PUM1: variants seen among roughly 807,000 people sequenced by gnomAD.
The protein encoded by PUM1 is pumilio RNA binding family member 1.
PUM1 carries 13 observed loss-of-function variants against 131.8 expected under a neutral mutation model. That is an observed-to-expected ratio of 0.10 (90% CI 0.06 to 0.16). The LOEUF (loss-of-function observed/expected upper bound fraction) is 0.16, where lower values mean the gene tolerates loss of function less well. PUM1 is among the 10% of genes least tolerant of loss of function. The pLI, the probability that PUM1 is intolerant of heterozygous loss-of-function variation, is 1.00. For synonymous variants in PUM1, 509 were observed against 556.5 expected, an observed-to-expected ratio of 0.91 and a Z score of 1.20; for missense variants, 961 against 1,512.4, an observed-to-expected ratio of 0.64 and a Z score of 6.05.
chr1:31,004,193 A>G (rs1245327533), intron 5 of PUM1, among the ~76,000 whole-genome samples: 1 of 152,224 alleles, frequency 6.6e-6, no homozygotes, highest in African/African-American at 2.4e-5. Context: ...ATGACTGTTT[A>G]AAGAGAGAAA....
rs1179946763 is a variant in PUM1, at chr1:31,065,693, C to T, written c.-89G>A. On this transcript the variant is annotated 5_prime_UTR_variant, in exon 1 of 22. An upstream open reading frame in the 5' UTR loses its in-frame stop. Coordinates refer to ENST00000426105, the MANE Select transcript of PUM1 (RefSeq NM_001020658.2). ...GGCGCTCTCGCTCCCCCTTACCTTT[C>T]ACTCCGACAACATGGCGGCCCACTG... 3 of 1,549,504 alleles carry T rather than the reference C, an allele frequency of 1.9e-6. No individual in the cohort carries two copies. The highest frequency in any genetic ancestry group is 4.9e-5 in the East Asian group (2 of 40,808).
chr1:30,982,669 G>A (rs551141171), intron 7 of PUM1, among the ~76,000 whole-genome samples: 1 of 152,296 alleles, frequency 6.6e-6, no homozygotes, highest in African/African-American at 2.4e-5. Flanking sequence ...AGGAGATAAT[G>A]TCATTCTAGC....
rs1642410788 is a variant in PUM1 at position 31,006,671 on chromosome 1, T to C, written c.541+323A>G. Among the ~76,000 whole-genome samples, 6 of 152,322 alleles carry C rather than the reference T, an allele frequency of 3.9e-5. No individual in the cohort carries two copies. In the South Asian group the frequency reaches 1.2e-3, roughly 32 times the overall value. On this transcript the variant is annotated intron_variant, in intron 4 of 21. Transcript: ENST00000426105. Reference sequence around the variant, plus strand: ...CAAGGGGAGAAAAAGAAACATGAACTTCAAATGGCAGGTGTGGATTTTCTA... The same window carrying C: ...CAAGGGGAGAAAAAGAAACATGAACCTCAAATGGCAGGTGTGGATTTTCTA...
intron 14 of PUM1, among the ~76,000 whole-genome samples, chr1:30,956,385 G>T (rs191961358): frequency 1.3e-5 from 2 of 151,910 alleles, no homozygotes; most frequent in East Asian, 1.9e-4. Flanking sequence ...CACCTCAGCC[G>T]TCCAAGTAGC....
intron 2 of PUM1, among the ~76,000 whole-genome samples, chr1:31,032,260 A>C (rs1214216814): frequency 6.6e-6 from 1 of 152,230 alleles, no homozygotes; most frequent in African/African-American, 2.4e-5. Flanking sequence ...AATTCTTCCT[A>C]GGAAACAAAA....
chr1:31,029,467 T>C (rs1643339380), intron 2 of PUM1, among the ~76,000 whole-genome samples: 1 of 152,246 alleles, frequency 6.6e-6, no homozygotes, highest in Non-Finnish European at 1.5e-5. Context: ...TTGTTAAATG[T>C]AATCCTACCT....
intron 16 of PUM1, 135 bp from the exon 17 acceptor site, chr1:30,950,396 T>A: frequency 1.2e-6 from 1 of 862,278 alleles, no homozygotes; most frequent in Non-Finnish European, 1.7e-6. Flanking sequence ...AACTAAACCT[T>A]TTATTTAAAG....
At chr1:31,005,106 T>C (rs565355883) in intron 5 of PUM1, among the ~76,000 whole-genome samples, 46 of 152,302 alleles carry the variant, frequency 3.0e-4, no homozygotes, top group African/African-American at 1.0e-3. Context: ...CAAATGGAAA[T>C]ACATCTTAAC....
At position 30,954,022 on chromosome 1, in the gene PUM1, G is replaced by A. The variant is rs1013570725; in HGVS notation, c.2324-41C>T. ...CAGGATAACTTAAGACCACTCTTCA[G>A]CAACTTCATTCAAGAGAGAAAAAAG... On this transcript the variant is annotated intron_variant, in intron 14 of 21. Coordinates refer to ENST00000426105, the MANE Select transcript of PUM1 (RefSeq NM_001020658.2). The A allele has an allele frequency of 3.2e-6, 5 of 1,582,592 alleles. No homozygotes were observed. In the Admixed American group the frequency reaches 8.9e-5, roughly 28 times the overall value.
intron 14 of PUM1, among the ~76,000 whole-genome samples, chr1:30,962,280 A>T (rs192133122): frequency 3.9e-5 from 6 of 152,362 alleles, no homozygotes; most frequent in Admixed American, 3.3e-4. Flanking sequence ...CCTTCTTCAC[A>T]GGGAAAACAA....
At chr1:30,952,509 A>G (rs974811923) in intron 15 of PUM1, 146 bp from the exon 16 acceptor site, 2 of 1,168,026 alleles carry the variant, frequency 1.7e-6, no homozygotes, top group African/African-American at 3.1e-5. Context: ...ACCAAACTTT[A>G]TTTGAATGAA....
intron 2 of PUM1, among the ~76,000 whole-genome samples, chr1:31,056,604 CTTTTCTTTTTTTTT>C (rs1644244279): frequency 3.8e-5 from 3 of 79,638 alleles, no homozygotes; most frequent in African/African-American, 1.2e-4. Flanking sequence ...CCTTCCTTTT[CTTTTCTTTTTTTTT>C]TTTTTTTTTT....
At chr1:30,965,629 A>G (rs774994244) in intron 13 of PUM1, among the ~76,000 whole-genome samples, 6 of 152,226 alleles carry the variant, frequency 3.9e-5, no homozygotes, top group Non-Finnish European at 8.8e-5. Context: ...CTCAGTCTCA[A>G]TTGTGGAGTA....
intron 2 of PUM1, among the ~76,000 whole-genome samples, chr1:31,047,899 AC>A (rs1354715384): frequency 2.3e-4 from 35 of 151,220 alleles, no homozygotes; most frequent in African/African-American, 8.3e-4. Flanking sequence ...CCGAGATCGC[AC>A]CACTGCACTA....
chr1:31,051,184 G>A (rs1451579218), intron 2 of PUM1: 1 of 151,534 alleles, frequency 6.6e-6, no homozygotes, highest in Non-Finnish European at 1.5e-5. Flanking sequence ...TAACAGCACT[G>A]AAGAGTAAGA....
rs187523676 is a variant in PUM1, at chr1:31,048,352, C to T, written c.363+10852G>A. ...TCTATAACTGAAATTCCAAACACAA[C>T]TCTCCCTAACTGCTGTTTTTTCCTC... On this transcript the variant is annotated intron_variant, in intron 2 of 21. Transcript: ENST00000426105. Among the ~76,000 whole-genome samples, 1,050 of 151,974 alleles carry T rather than the reference C, an allele frequency of 6.9e-3. 6 individuals carry two copies. Among genetic ancestry groups the T allele is most frequent in the Middle Eastern group, 0.02 (6 of 294 alleles).
chr1:31,059,715 A>T, intron 1 of PUM1, 138 bp from the exon 2 acceptor site: 1 of 970,968 alleles, frequency 1.0e-6, no homozygotes, highest in Non-Finnish European at 1.5e-6. Flanking sequence ...AGGTATTGGG[A>T]TCAGAACTCA....
At chr1:30,940,061 A>C (rs1397931289) in intron 20 of PUM1, among the ~76,000 whole-genome samples, 1 of 152,176 alleles carries the variant, frequency 6.6e-6, no homozygotes, top group East Asian at 1.9e-4. Context: ...AAAACAAAAC[A>C]ATATAAAGTC....
chr1:31,015,545 G>C (rs1271822336), intron 3 of PUM1, among the ~76,000 whole-genome samples: 2 of 151,762 alleles, frequency 1.3e-5, no homozygotes, highest in African/African-American at 2.4e-5. Context: ...GTTTCACCAT[G>C]TTACTCAGGA....
Sources: gnomAD v4.1 joint callset for allele counts (sites outside exome capture counted in the v4.1 genomes callset) on GRCh38, gnomAD v4.1.1 for gene constraint, MANE v1.5 for transcripts, NCBI Gene and HGNC (gene_info 2026-07-23, HGNC 2026-07-21) for gene names.